The following OOEP variants were observed in gnomAD, a reference collection of about 807,000 sequenced individuals.
OOEP encodes the protein oocyte-expressed protein homolog.
Under a neutral mutation model 13.7 loss-of-function variants are expected in OOEP, and 16 were observed. That is an observed-to-expected ratio of 1.16 (90% CI 0.79 to 1.77). The LOEUF (loss-of-function observed/expected upper bound fraction) is 1.77. Ranked by LOEUF, OOEP falls within the 40% of genes most tolerant of loss-of-function variation. The pLI is 0.00. For missense variants in OOEP, 195 were observed against 193.1 expected, an observed-to-expected ratio of 1.01 and a Z score of -0.06; for synonymous variants, 89 against 77.1, an observed-to-expected ratio of 1.15 and a Z score of -0.81.
intron 2 of OOEP, among the ~76,000 whole-genome samples, chr6:73,384,522 C>A (rs1054810963): frequency 1.6e-4 from 25 of 151,966 alleles, no homozygotes; most frequent in African/African-American, 5.8e-4. Context: ...AATAAAGATG[C>A]AAAAATCTTA....
chr6:73,370,205 T>G, upstream of OOEP: 2 of 180,706 alleles, frequency 1.1e-5, no homozygotes, highest in Non-Finnish European at 2.4e-5. Flanking sequence ...GGTTTCATCG[T>G]TGCCTCCCAA....
intron 2 of OOEP, among the ~76,000 whole-genome samples, chr6:73,387,920 G>A (rs1350629575): frequency 1.3e-5 from 2 of 152,178 alleles, no homozygotes; most frequent in African/African-American, 4.8e-5. Context: ...CCATGCTGGA[G>A]TGCAGTAGCG....
chr6:73,377,164 A>G (rs1008387745), intron 2 of OOEP, among the ~76,000 whole-genome samples: 1 of 152,196 alleles, frequency 6.6e-6, no homozygotes, highest in Non-Finnish European at 1.5e-5. Context: ...TACAATCTTA[A>G]GCCAGCCTTG....
intron 2 of OOEP, 97 bp downstream of exon 2, chr6:73,369,109 A>C (rs755017537): frequency 1.6e-5 from 21 of 1,342,264 alleles, no homozygotes; most frequent in African/African-American, 8.8e-5. Flanking sequence ...GAAACCAAGA[A>C]ATTTTGAGAA....
At chr6:73,384,113 T>C (rs1210869306) in intron 2 of OOEP, among the ~76,000 whole-genome samples, 1 of 151,338 alleles carries the variant, frequency 6.6e-6, no homozygotes, top group Non-Finnish European at 1.5e-5. Flanking sequence ...ATAAATATAA[T>C]AAAAATAAAA....
upstream of OOEP, chr6:73,373,283 A>G (rs1769089021): frequency 1.3e-6 from 2 of 1,584,946 alleles, no homozygotes; most frequent in Non-Finnish European, 8.7e-7. Context: ...CGGAGTCAAG[A>G]ACACACCACG....
At chr6:73,379,919 A>G (rs964629079) in intron 2 of OOEP, among the ~76,000 whole-genome samples, 4 of 152,106 alleles carry the variant, frequency 2.6e-5, no homozygotes, top group Admixed American at 6.6e-5. Context: ...ATCTGTTGCA[A>G]TATGTTGTTT....
intron 2 of OOEP, among the ~76,000 whole-genome samples, chr6:73,380,391 A>C (rs1317348310): frequency 1.3e-5 from 2 of 152,006 alleles, no homozygotes; most frequent in Non-Finnish European, 2.9e-5. Flanking sequence ...ATTGAAATGC[A>C]CCAATAACAA....
In OOEP at chr6:73,379,631, T is replaced by G. The variant is rs369425449; in HGVS notation, c.26-10246A>C. ...TCCACTCTGGGCAACAGAGTGAGAC[T>G]CTATCTCAAAAAAAAAAAAAAAAAA... On this transcript the variant is annotated intron_variant, in intron 2 of 3. Coordinates refer to the OOEP transcript ENST00000370363. Among the ~76,000 whole-genome samples, 250 of 86,534 alleles carry G rather than the reference T, an allele frequency of 2.9e-3. 3 individuals are homozygous for G. The highest frequency in any genetic ancestry group is 1.0e-2 in the African/African-American group (242 of 24,238). The allele number at this position is 86,534 out of a possible 152,430, so 56.8% of individuals were successfully genotyped here.
chr6:73,374,386 G>A (rs1169531762), upstream of OOEP, among the ~76,000 whole-genome samples: 1 of 151,878 alleles, frequency 6.6e-6, no homozygotes, highest in Non-Finnish European at 1.5e-5. Context: ...CCACTTCTGT[G>A]GTACAGAGCC....
chr6:73,372,530 G>A (rs577335276), upstream of OOEP, among the ~76,000 whole-genome samples: 102 of 152,302 alleles, frequency 6.7e-4, no homozygotes, highest in African/African-American at 2.4e-3. Flanking sequence ...TGTTGGTTTC[G>A]CATCTCTCAG....
chr6:73,372,988 G>A (rs1272783984), upstream of OOEP: 2 of 796,040 alleles, frequency 2.5e-6, no homozygotes, highest in Non-Finnish European at 4.2e-6. Context: ...GTTCATAACA[G>A]ATTCAGAGAG....
chr6:73,369,745 A>T lies in OOEP; in HGVS notation c.48T>A (p.Thr16=), dbSNP rs766864374. 3.1e-6 allele frequency: 5 copies of T among 1,613,884 alleles called. No individual in the cohort carries two copies. The highest frequency in any genetic ancestry group is 3.3e-5 in the Admixed American group (2 of 60,002). The change falls in exon 1 of 3, where the codon ACT becomes ACA. Residue 16 remains threonine, a synonymous_variant. Transcript: ENST00000370359. ...GAAESQRGKQ[T]PAHSLEQLRR... is the part of the protein sequence containing the mutation. The stretch of plus-strand genomic sequence containing the variant: ...GCAGCTGCTCCAGGGAGTGGGCCGG[A>T]GTCTGTTTGCCCCGCTGGGACTCAG...
intron 2 of OOEP, among the ~76,000 whole-genome samples, chr6:73,393,381 C>T (rs536785904): frequency 6.6e-6 from 1 of 152,246 alleles, no homozygotes; most frequent in South Asian, 2.1e-4. Context: ...ATGAGTTATC[C>T]CTGCTGGCCT....
intron 2 of OOEP, 88 bp downstream of exon 2, chr6:73,369,118 A>G: frequency 1.5e-6 from 2 of 1,376,084 alleles, no homozygotes; most frequent in Non-Finnish European, 2.0e-6. Flanking sequence ...AAATTTTGAG[A>G]AGGTTAAGGG....
rs1277881861 is a variant in OOEP, at chr6:73,368,581, G to A, written c.*203C>T. On this transcript the variant is annotated 3_prime_UTR_variant, in exon 3 of 3. Transcript: ENST00000370359. ...TTTATAAATTTGCTTTATTATAAGT[G>A]TGTGAAGATCTTAATGCTTTTGGCA... 1.3e-5 allele frequency: 7 copies of A among 523,376 alleles called. No individual in the cohort carries two copies. The highest frequency in any genetic ancestry group is 7.6e-5 in the African/African-American group (4 of 52,678). The allele number at this position is 523,376 out of a possible 1,614,324, so 32.4% of individuals were successfully genotyped here.
intron 2 of OOEP, among the ~76,000 whole-genome samples, chr6:73,390,358 T>A (rs1314283464): frequency 6.6e-6 from 1 of 152,128 alleles, no homozygotes; most frequent in Non-Finnish European, 1.5e-5. Flanking sequence ...TTTGGGGGTA[T>A]TGGTCCCAGG....
chr6:73,368,896 C>T (rs1234407092), intron 2 of OOEP, 33 bp from the exon 3 acceptor site: 1 of 1,524,694 alleles, frequency 6.6e-7, no homozygotes, highest in Non-Finnish European at 9.1e-7. Context: ...TAACCATGGA[C>T]AGGGACAAGT....
intron 2 of OOEP, among the ~76,000 whole-genome samples, chr6:73,383,749 G>A (rs886540690): frequency 2.0e-5 from 3 of 152,092 alleles, no homozygotes; most frequent in Admixed American, 6.6e-5. Context: ...AGATAAAACT[G>A]ACAAGTATTT....
Sources: allele counts gnomAD v4.1 joint callset (sites outside exome capture counted in the v4.1 genomes callset), GRCh38; gene constraint gnomAD v4.1.1; transcripts MANE v1.5; gene names NCBI Gene and HGNC (gene_info 2026-07-23, HGNC 2026-07-21).